The following RNF170 variants were observed in gnomAD, a reference collection of about 807,000 sequenced individuals.
RNF170 encodes the protein ring finger protein 170, also known as E3 ubiquitin-protein ligase RNF170.
A neutral mutation model predicts 32.7 loss-of-function variants in RNF170; 12 were observed. The observed-to-expected ratio is 0.37, with a 90% CI of 0.24 to 0.60. The LOEUF is 0.60. RNF170 is among the 20% of genes least tolerant of loss of function. RNF170 has a pLI of 0.72. For synonymous variants in RNF170, 91 were observed against 103.6 expected, an observed-to-expected ratio of 0.88 and a Z score of 0.74; for missense variants, 212 against 311.2, an observed-to-expected ratio of 0.68 and a Z score of 2.40.
At chr8:42,889,104 TA>T (rs1806084628) in intron 1 of RNF170, among the ~76,000 whole-genome samples, 1 of 152,242 alleles carries the variant, frequency 6.6e-6, no homozygotes, top group Admixed American at 6.5e-5. Context: ...ATAGCTATAC[TA>T]AAACTACTTG....
chr8:42,849,748 C>T (rs1300161248), downstream of RNF170: 1 of 152,204 alleles, frequency 6.6e-6, no homozygotes, highest in African/African-American at 2.4e-5. Flanking sequence ...ACATTGTGAA[C>T]TGAGAAAGTG....
chr8:42,850,394 G>A (rs752376911), downstream of RNF170: 2 of 245,408 alleles, frequency 8.1e-6, no homozygotes, highest in Non-Finnish European at 1.6e-5. Context: ...CTGCCTGGAA[G>A]GTCGCTGTGA....
At chr8:42,863,944 C>T (rs1237293728) in intron 5 of RNF170, among the ~76,000 whole-genome samples, 2 of 149,546 alleles carry the variant, frequency 1.3e-5, no homozygotes, top group Non-Finnish European at 3.0e-5. Context: ...GGGAAACAGA[C>T]AGCTACAATA....
In RNF170 at chr8:42,854,345, A is replaced by G; in HGVS notation, c.*1814T>C. The G allele has an allele frequency of 7.8e-7, 1 of 1,287,216 alleles. No individual in the cohort carries two copies. The highest frequency in any genetic ancestry group is 1.0e-6 in the Non-Finnish European group (1 of 988,688). The allele number at this position is 1,287,216 out of a possible 1,614,324, so 79.7% of individuals were successfully genotyped here. The stretch of plus-strand genomic sequence containing the variant: ...AGTCCTACTAAGAAATTTTGGTGTA[A>G]TGCCACTTTGATCAGTTATTTGTTG... On this transcript the variant is annotated 3_prime_UTR_variant, in exon 7 of 7. Transcript: ENST00000527424.
intron 1 of RNF170, among the ~76,000 whole-genome samples, chr8:42,888,898 T>TGTATA (rs1176395369): frequency 6.6e-6 from 1 of 152,144 alleles, no homozygotes; most frequent in Non-Finnish European, 1.5e-5. Flanking sequence ...TCACAGCATG[T>TGTATA]GTATATCTTG....
intron 2 of RNF170, among the ~76,000 whole-genome samples, chr8:42,882,468 C>T (rs1406099566): frequency 6.6e-6 from 1 of 152,168 alleles, no homozygotes; most frequent in Non-Finnish European, 1.5e-5. Context: ...GCAATCTTCC[C>T]ACCTCAGCCT....
Position 42,853,490 on chromosome 8 carries a change from C to A in RNF170, c.*2669G>T. On this transcript the variant is annotated 3_prime_UTR_variant, in exon 7 of 7. Coordinates refer to ENST00000527424, the MANE Select transcript of RNF170 (RefSeq NM_030954.4). ...ACACTGAGAATTGTAGTAGTTGAAACCACTGTTCTAGTGGGCAGTTAGAAC... is the reference window on the plus strand; with the variant it reads ...ACACTGAGAATTGTAGTAGTTGAAAACACTGTTCTAGTGGGCAGTTAGAAC... 9 of 1,287,136 alleles carry A rather than the reference C, an allele frequency of 7.0e-6. No individual in the cohort carries two copies. The highest frequency in any genetic ancestry group is 9.1e-6 in the Non-Finnish European group (9 of 988,664). 79.7% of individuals were successfully genotyped at this position (1,287,136 alleles called of 1,614,324 possible). A position where few individuals can be genotyped will look rare whatever the true frequency, so the allele number is the denominator to read the frequency against.
intron 6 of RNF170, among the ~76,000 whole-genome samples, chr8:42,856,780 A>C (rs1322185849): frequency 6.6e-6 from 1 of 152,302 alleles, no homozygotes; most frequent in East Asian, 1.9e-4. Context: ...TCTCAGCTTT[A>C]AAGTCAGACA....
Position 42,856,132 on chromosome 8 carries a change from C to G in RNF170, c.*27G>C, listed in dbSNP as rs779917885. On this transcript the variant is annotated 3_prime_UTR_variant, in exon 7 of 7. Coordinates refer to ENST00000527424, the MANE Select transcript of RNF170 (RefSeq NM_030954.4). ...GATGTTCTACATTAGCTCAGATATC[C>G]TAGTAAACTCAGTTTTGTTTTCTTT... The G allele has an allele frequency of 1.9e-6, 3 of 1,610,982 alleles. No homozygotes were observed. Among genetic ancestry groups the G allele is most frequent in the Non-Finnish European group, 2.5e-6 (3 of 1,179,580 alleles).
At chr8:42,865,299 T>G in intron 5 of RNF170, 117 bp downstream of exon 5, 1 of 710,222 alleles carries the variant, frequency 1.4e-6, no homozygotes, top group East Asian at 2.7e-5. Flanking sequence ...CAAAGAAGAT[T>G]TGGATAAATG....
chr8:42,886,832 G>C (rs1031877970), intron 2 of RNF170, among the ~76,000 whole-genome samples: 1 of 152,172 alleles, frequency 6.6e-6, no homozygotes, highest in African/African-American at 2.4e-5. Flanking sequence ...AGTCCAACTG[G>C]GGCAATGTAG....
At chr8:42,851,064 A>T (rs982789465), downstream of RNF170, 1 of 1,537,996 alleles carries the variant, frequency 6.5e-7, no homozygotes, top group Non-Finnish European at 8.8e-7. Flanking sequence ...ACTGCACGTA[A>T]ATCCAAATCA....
intron 4 of RNF170, among the ~76,000 whole-genome samples, chr8:42,869,156 T>C (rs1400445137): frequency 6.6e-6 from 1 of 152,154 alleles, no homozygotes; most frequent in Non-Finnish European, 1.5e-5. Context: ...GCAATCCTCC[T>C]GCCTTAGCCT....
chr8:42,859,806 G>A (rs1198547603), intron 6 of RNF170, among the ~76,000 whole-genome samples: 1 of 152,086 alleles, frequency 6.6e-6, no homozygotes, highest in Non-Finnish European at 1.5e-5. Flanking sequence ...ACACCACCGT[G>A]CCTGACTAAT....
At position 42,853,920 on chromosome 8, in the gene RNF170, T is replaced by C; in HGVS notation, c.*2239A>G. The C allele has an allele frequency of 7.8e-7, 1 of 1,287,188 alleles. No individual in the cohort carries two copies. Among genetic ancestry groups the C allele is most frequent in the South Asian group, 1.2e-5 (1 of 80,928 alleles). The allele number at this position is 1,287,188 out of a possible 1,614,324, so 79.7% of individuals were successfully genotyped here. On this transcript the variant is annotated 3_prime_UTR_variant, in exon 7 of 7. Transcript: ENST00000527424. ...TAGTAACTCCAAATATTATAATTAT[T>C]GTAACCAGAATTGTGACACTTGGAG...
chr8:42,896,058 G>C (rs1027816624), intron 1 of RNF170: 3 of 186,506 alleles, frequency 1.6e-5, no homozygotes, highest in Non-Finnish European at 2.3e-5. Context: ...TAAAGAGGTG[G>C]AAGCTCCAGA....
intron 4 of RNF170, among the ~76,000 whole-genome samples, chr8:42,869,417 A>T (rs1028800431): frequency 1.3e-5 from 2 of 152,206 alleles, no homozygotes; most frequent in Non-Finnish European, 2.9e-5. Flanking sequence ...ATACTAAGTA[A>T]GTGTGAAATT....
At chr8:42,863,980 A>AGTGTGT (rs71231874) in intron 5 of RNF170, among the ~76,000 whole-genome samples, 9,652 of 139,476 alleles carry the variant, frequency 0.069, 347 homozygotes, top group Non-Finnish European at 0.086. Context: ...AGAGAGAGAG[A>AGTGTGT]GTGTGTGTGT....
chr8:42,872,600 G>A (rs1424111778), intron 3 of RNF170, among the ~76,000 whole-genome samples: 1 of 151,912 alleles, frequency 6.6e-6, no homozygotes, highest in Non-Finnish European at 1.5e-5. Flanking sequence ...GCGCCACCAT[G>A]CCCGGCCAAT....
Sources: gnomAD v4.1 joint callset for allele counts (sites outside exome capture counted in the v4.1 genomes callset) on GRCh38, gnomAD v4.1.1 for gene constraint, MANE v1.5 for transcripts, NCBI Gene and HGNC (gene_info 2026-07-23, HGNC 2026-07-21) for gene names.